IFRD1: variants seen among roughly 807,000 people sequenced by gnomAD.
IFRD1 encodes interferon related developmental regulator 1.
Under a neutral mutation model 52.9 loss-of-function variants are expected in IFRD1, and 35 were observed. The observed-to-expected ratio is 0.66, with a 90% CI of 0.51 to 0.88. The LOEUF (loss-of-function observed/expected upper bound fraction) is 0.88, where lower values mean the gene tolerates loss of function less well. Among genes scored for constraint, IFRD1 ranks in the 40% least tolerant of loss-of-function variants. IFRD1 has a pLI of 0.00. For missense variants in IFRD1, 517 were observed against 550.8 expected (o/e 0.94, Z 0.61); for synonymous variants, 184 against 188.4 (o/e 0.98, Z 0.19).
chr7:112,474,927 C>G (rs1795856706), intron 11 of IFRD1, among the ~76,000 whole-genome samples: 1 of 151,470 alleles, frequency 6.6e-6, no homozygotes, highest in Non-Finnish European at 1.5e-5. Context: ...TTGATTAGTA[C>G]TTTTCTTAAT....
upstream of IFRD1, among the ~76,000 whole-genome samples, chr7:112,449,743 C>A (rs887944103): frequency 6.7e-6 from 1 of 148,684 alleles, no homozygotes; most frequent in Admixed American, 6.8e-5. Flanking sequence ...AAACCCACAA[C>A]GCTGAATCGT....
At chr7:112,423,883 G>A (rs1794373378) in intron 1 of IFRD1, among the ~76,000 whole-genome samples, 2 of 152,272 alleles carry the variant, frequency 1.3e-5, no homozygotes, top group East Asian at 1.9e-4. Context: ...GCCACCAGGG[G>A]ACAAATGTGA....
At chr7:112,456,864 A>T (rs370064018) in intron 3 of IFRD1, 50 bp from the exon 4 acceptor site, 3 of 1,584,460 alleles carry the variant, frequency 1.9e-6, no homozygotes, top group Non-Finnish European at 2.6e-6. Context: ...AAAGTTATTT[A>T]TTGTATACTC....
chr7:112,447,096 A>G (rs1795047494), upstream of IFRD1, among the ~76,000 whole-genome samples: 1 of 152,240 alleles, frequency 6.6e-6, no homozygotes. Context: ...TATGCCTTCA[A>G]GGAAGGTATG....
At chr7:112,444,105 G>A (rs772024742) in intron 1 of IFRD1, among the ~76,000 whole-genome samples, 1 of 152,070 alleles carries the variant, frequency 6.6e-6, no homozygotes, top group Non-Finnish European at 1.5e-5. Context: ...AACATAATGC[G>A]TCATAACTAT....
At chr7:112,470,330 G>A (rs1189399723) in intron 9 of IFRD1, among the ~76,000 whole-genome samples, 1 of 152,194 alleles carries the variant, frequency 6.6e-6, no homozygotes, top group African/African-American at 2.4e-5. Context: ...GGTCAAGTGA[G>A]AAAGTAACGT....
In IFRD1 at chr7:112,475,429, G is replaced by A. The variant is rs1269608091; in HGVS notation, c.1267-1G>A. 1.3e-6 allele frequency: 2 copies of A among 1,592,226 alleles called. No individual in the cohort carries two copies. Among genetic ancestry groups the A allele is most frequent in the Non-Finnish European group, 8.6e-7 (1 of 1,161,594 alleles). On this transcript the variant is annotated splice_acceptor_variant, in intron 11 of 11. Transcript: ENST00000403825. LOFTEE classifies it high-confidence loss of function. ...CACGTTTTTCCTTTTTTTCATTTTA[G>A]CATTTATATAACTCTGCAGCCTTCA...
intron 4 of IFRD1, 172 bp downstream of exon 4, chr7:112,457,210 T>G (rs1795317317): frequency 1.4e-6 from 1 of 702,512 alleles, no homozygotes; most frequent in Non-Finnish European, 2.4e-6. Flanking sequence ...TAGAACTTTG[T>G]TTTTGTATTA....
At chr7:112,447,375 G>T (rs1253595102), upstream of IFRD1, among the ~76,000 whole-genome samples, 1 of 152,212 alleles carries the variant, frequency 6.6e-6, no homozygotes, top group African/African-American at 2.4e-5. Flanking sequence ...ATTTATTAGA[G>T]CATGAGAGTA....
chr7:112,440,413 C>A (rs1794849841), intron 1 of IFRD1, among the ~76,000 whole-genome samples: 1 of 152,126 alleles, frequency 6.6e-6, no homozygotes, highest in Non-Finnish European at 1.5e-5. Flanking sequence ...TTTAATAAAA[C>A]AATTAACATA....
Position 112,472,867 on chromosome 7 carries a change from T to C in IFRD1, c.1266+6T>C, listed in dbSNP as rs1795790308. 1 of 1,603,854 alleles carries C rather than the reference T, an allele frequency of 6.2e-7. No individual in the cohort carries two copies. Among genetic ancestry groups the C allele is most frequent in the Non-Finnish European group, 8.5e-7 (1 of 1,170,724 alleles). Reference sequence around the variant, plus strand: ...AGATTTCTCGTTTCGAAAGGGTAGGTTTTGTTTTTATTTTTAATAAAACTA... The same window carrying C: ...AGATTTCTCGTTTCGAAAGGGTAGGCTTTGTTTTTATTTTTAATAAAACTA... On this transcript the variant is annotated splice_donor_region_variant and intron_variant, in intron 11 of 11. Coordinates refer to ENST00000403825, the MANE Select transcript of IFRD1 (RefSeq NM_001550.4).
At chr7:112,449,519 G>A (rs540742513), upstream of IFRD1, among the ~76,000 whole-genome samples, 8 of 152,270 alleles carry the variant, frequency 5.3e-5, no homozygotes, top group East Asian at 1.2e-3. Context: ...AGGTGAGTCA[G>A]GGACTTTGAT....
upstream of IFRD1, among the ~76,000 whole-genome samples, chr7:112,448,600 C>T (rs939306145): frequency 1.3e-5 from 2 of 152,178 alleles, no homozygotes; most frequent in Admixed American, 6.5e-5. Context: ...AACCTGCCTC[C>T]GTATTTGGTT....
chr7:112,458,098 A>G (rs1341633994), intron 4 of IFRD1: 1 of 152,164 alleles, frequency 6.6e-6, no homozygotes, highest in Non-Finnish European at 1.5e-5. Context: ...CATTCAAACT[A>G]TATGCTATAA....
At chr7:112,447,567 A>C (rs1795058690), upstream of IFRD1, among the ~76,000 whole-genome samples, 1 of 152,220 alleles carries the variant, frequency 6.6e-6, no homozygotes, top group African/African-American at 2.4e-5. Flanking sequence ...GTCAACATGT[A>C]GGTGGAAGTT....
At position 112,461,500 on chromosome 7, in the gene IFRD1, A is replaced by G. The variant is rs188634919; in HGVS notation, c.568-366A>G. ...TTCACCCTTTCAGAATGCTTTACTG[A>G]CATAGACTCATAAAAATGATTCAAT... On this transcript the variant is annotated intron_variant, in intron 5 of 11. Transcript: ENST00000403825. The G allele has an allele frequency of 7.3e-5, 12 of 164,968 alleles. No homozygotes were observed. In the East Asian group the frequency reaches 2.1e-3, roughly 29 times the overall value. The allele number at this position is 164,968 out of a possible 1,614,324, so 10.2% of individuals were successfully genotyped here.
In IFRD1 at chr7:112,476,250, A is replaced by G. The variant is rs1250583958; in HGVS notation, c.*731A>G. On this transcript the variant is annotated 3_prime_UTR_variant, in exon 12 of 12. Coordinates refer to ENST00000403825, the MANE Select transcript of IFRD1 (RefSeq NM_001550.4). ...ATGGCTTTGAGGTACAGAGTCCAAAATGACTAGGCCAGGTGGGCAGGGAGA... is the reference window on the plus strand; with the variant it reads ...ATGGCTTTGAGGTACAGAGTCCAAAGTGACTAGGCCAGGTGGGCAGGGAGA... The G allele has an allele frequency of 1.3e-5, 2 of 152,264 alleles. No individual in the cohort carries two copies. Among genetic ancestry groups the G allele is most frequent in the African/African-American group, 2.4e-5 (1 of 41,472 alleles). 9.4% of individuals were successfully genotyped at this position (152,264 alleles called of 1,614,324 possible).
intron 1 of IFRD1, among the ~76,000 whole-genome samples, chr7:112,440,802 A>G (rs1794864936): frequency 2.0e-5 from 3 of 152,196 alleles, no homozygotes; most frequent in Admixed American, 2.0e-4. Context: ...CAAGAAATAA[A>G]AACTGACTGG....
chr7:112,441,174 C>T (rs746398171), intron 1 of IFRD1, among the ~76,000 whole-genome samples: 9 of 152,074 alleles, frequency 5.9e-5, no homozygotes, highest in Non-Finnish European at 1.2e-4. Flanking sequence ...ACTTGGGAGG[C>T]TGAGGCAGAA....
Sources: allele counts gnomAD v4.1 joint callset (sites outside exome capture counted in the v4.1 genomes callset), GRCh38; gene constraint gnomAD v4.1.1; transcripts MANE v1.5; gene names NCBI Gene and HGNC (gene_info 2026-07-23, HGNC 2026-07-21).